CTNNA3: variants seen among roughly 807,000 people sequenced by gnomAD.
The protein encoded by CTNNA3 is catenin alpha-3.
Under a neutral mutation model 95.7 loss-of-function variants are expected in CTNNA3, and 76 were observed. The observed-to-expected ratio is 0.79, with a 90% confidence interval of 0.66 to 0.96. The LOEUF is 0.96. Ranked by LOEUF, CTNNA3 falls within the 40% of genes least tolerant of loss-of-function variation. The pLI, the probability that CTNNA3 is intolerant of heterozygous loss-of-function variation, is 0.00. For synonymous variants in CTNNA3, 431 were observed against 374.4 expected (o/e 1.15, Z -1.74); for missense variants, 1,191 against 1,089.8 (o/e 1.09, Z -1.31).
intron 13 of CTNNA3, among the ~76,000 whole-genome samples, chr10:66,264,103 T>A (rs1018404664): frequency 6.6e-6 from 1 of 152,010 alleles, no homozygotes; most frequent in Non-Finnish European, 1.5e-5. Context: ...TAGGTCAAAC[T>A]TATGCTCTAA....
intron 7 of CTNNA3, among the ~76,000 whole-genome samples, chr10:66,940,801 T>C (rs1391422484): frequency 1.3e-5 from 2 of 152,168 alleles, no homozygotes; most frequent in Non-Finnish European, 1.5e-5. Flanking sequence ...AAAAAACTTA[T>C]CTGATCTTCA....
chr10:66,951,647 C>T (rs35415859), intron 7 of CTNNA3, among the ~76,000 whole-genome samples: 25,532 of 150,692 alleles, frequency 0.17, 2,222 homozygotes, highest in Non-Finnish European at 0.18. Context: ...TTCTTAACCA[C>T]ACTATTGGCT....
intron 9 of CTNNA3, among the ~76,000 whole-genome samples, chr10:66,673,908 C>T (rs1230092191): frequency 6.6e-6 from 1 of 151,982 alleles, no homozygotes; most frequent in Non-Finnish European, 1.5e-5. Flanking sequence ...TTTTTACATT[C>T]TACCAGGAAG....
At chr10:66,690,691 A>G (rs1847492634) in intron 9 of CTNNA3, among the ~76,000 whole-genome samples, 1 of 151,834 alleles carries the variant, frequency 6.6e-6, no homozygotes, top group Non-Finnish European at 1.5e-5. Flanking sequence ...CATGGTGTAT[A>G]TGTGCCACAT....
chr10:67,317,201 G>C (rs894958851), intron 5 of CTNNA3, among the ~76,000 whole-genome samples: 4 of 150,446 alleles, frequency 2.7e-5, no homozygotes, highest in African/African-American at 7.3e-5. Context: ...TTCTTTTTTT[G>C]CTTCTTTTTT....
chr10:67,451,432 T>C (rs539907338), intron 5 of CTNNA3, among the ~76,000 whole-genome samples: 1 of 150,830 alleles, frequency 6.6e-6, no homozygotes, highest in Admixed American at 6.6e-5. Context: ...GTTGTAAACA[T>C]GATAGATCTA....
At chr10:66,777,789 A>ACACATG (rs767717529) in intron 7 of CTNNA3, among the ~76,000 whole-genome samples, 2,817 of 126,838 alleles carry the variant, frequency 0.022, 101 homozygotes, top group East Asian at 0.17. Flanking sequence ...ACACACACAC[A>ACACATG]CACACACATG....
At chr10:67,297,240 T>C (rs1452683158) in intron 5 of CTNNA3, among the ~76,000 whole-genome samples, 1 of 152,204 alleles carries the variant, frequency 6.6e-6, no homozygotes, top group Non-Finnish European at 1.5e-5. Flanking sequence ...AGGAATATCC[T>C]CACACTCCAT....
chr10:67,468,148 C>G (rs1045391411), intron 5 of CTNNA3, among the ~76,000 whole-genome samples: 2 of 151,750 alleles, frequency 1.3e-5, no homozygotes, highest in African/African-American at 4.8e-5. Flanking sequence ...GCCTAGTACC[C>G]GTTGGTGTTT....
At chr10:67,172,160 C>A (rs1020638292) in intron 7 of CTNNA3, among the ~76,000 whole-genome samples, 2 of 152,238 alleles carry the variant, frequency 1.3e-5, no homozygotes, top group African/African-American at 4.8e-5. Context: ...CAAAAGCCAG[C>A]TTAAGAGCTT....
intron 2 of CTNNA3, among the ~76,000 whole-genome samples, chr10:67,612,587 T>C (rs1326815172): frequency 6.6e-6 from 1 of 152,212 alleles, no homozygotes; most frequent in Non-Finnish European, 1.5e-5. Context: ...ATAGGTTTCA[T>C]CTTAAATAAA....
chr10:66,058,570 G>A (rs140280327), intron 15 of CTNNA3, among the ~76,000 whole-genome samples: 87 of 152,220 alleles, frequency 5.7e-4, no homozygotes, highest in Non-Finnish European at 1.0e-3. Context: ...CCATTGTCCA[G>A]TCAGATCTTA....
chr10:66,736,750 C>T (rs1393115198), intron 9 of CTNNA3, among the ~76,000 whole-genome samples: 1 of 151,316 alleles, frequency 6.6e-6, no homozygotes, highest in East Asian at 1.9e-4. Context: ...TCATTTAATC[C>T]GTATTATTCG....
At chr10:67,218,496 G>T (rs993527440) in intron 6 of CTNNA3, among the ~76,000 whole-genome samples, 1 of 152,178 alleles carries the variant, frequency 6.6e-6, no homozygotes, top group East Asian at 1.9e-4. Context: ...TAGGCTTTGC[G>T]GGTCTAGCTG....
chr10:67,108,551 A>G (rs559251102), intron 7 of CTNNA3, among the ~76,000 whole-genome samples: 1 of 152,206 alleles, frequency 6.6e-6, no homozygotes, highest in Non-Finnish European at 1.5e-5. Context: ...CTTATAGTGA[A>G]TAAATAATTG....
At chr10:67,495,186 C>A (rs1201857090) in intron 5 of CTNNA3, among the ~76,000 whole-genome samples, 1 of 152,068 alleles carries the variant, frequency 6.6e-6, no homozygotes, top group Non-Finnish European at 1.5e-5. Flanking sequence ...CCATCTAAAC[C>A]TCTGTATACT....
intron 9 of CTNNA3, among the ~76,000 whole-genome samples, chr10:66,642,240 G>C (rs189929673): frequency 7.0e-6 from 1 of 143,666 alleles, no homozygotes; most frequent in African/African-American, 2.7e-5. Flanking sequence ...TTAAAATGTT[G>C]ATATTTCTTT....
At chr10:67,630,128 C>G (rs1294337939) in intron 2 of CTNNA3, among the ~76,000 whole-genome samples, 1 of 152,060 alleles carries the variant, frequency 6.6e-6, no homozygotes, top group East Asian at 1.9e-4. Flanking sequence ...ACAAGGGTGC[C>G]AAAGTGTCTT....
At chr10:67,362,585 A>C (rs1464186174) in intron 5 of CTNNA3, among the ~76,000 whole-genome samples, 1 of 151,696 alleles carries the variant, frequency 6.6e-6, no homozygotes, top group East Asian at 1.9e-4. Flanking sequence ...TTCATGTTAA[A>C]AAACCTAACG....
Sources: allele counts gnomAD v4.1 joint callset (sites outside exome capture counted in the v4.1 genomes callset), GRCh38; gene constraint gnomAD v4.1.1; transcripts MANE v1.5; gene names NCBI Gene and HGNC (gene_info 2026-07-23, HGNC 2026-07-21).